Variants in DENND4C observed in about 807,000 individuals in gnomAD.
The protein encoded by DENND4C is DENN domain containing 4C, also known as DENN domain-containing protein 4C.
Under a neutral mutation model 203.0 loss-of-function variants are expected in DENND4C, and 108 were observed. The observed-to-expected ratio is 0.53, with a 90% CI of 0.46 to 0.62. The LOEUF is 0.62. DENND4C is among the 20% of genes least tolerant of loss of function. DENND4C has a pLI of 0.00. For missense variants in DENND4C, 2,481 were observed against 2,301.2 expected (o/e 1.08, Z -1.60); for synonymous variants, 871 against 792.4 (o/e 1.10, Z -1.67).
chr9:19,361,758 C>T, intron 29 of DENND4C, 88 bp from the exon 30 acceptor site: 3 of 655,774 alleles, frequency 4.6e-6, no homozygotes, highest in Non-Finnish European at 2.5e-6. Context: ...TTTAAAAGGA[C>T]TCATCTGTTT....
chr9:19,246,494 T>C (rs530711683), intron 1 of DENND4C, among the ~76,000 whole-genome samples: 147 of 152,322 alleles, frequency 9.7e-4, no homozygotes, highest in African/African-American at 3.5e-3. Context: ...TCCTCCCACC[T>C]TGGCTTCCCA....
At chr9:19,261,947 A>G (rs559555766) in intron 1 of DENND4C, among the ~76,000 whole-genome samples, 27 of 151,944 alleles carry the variant, frequency 1.8e-4, no homozygotes, top group Admixed American at 5.2e-4. Flanking sequence ...TTATTTGTAG[A>G]TACTGTAAAT....
At chr9:19,312,805 T>TA (rs1424178941) in intron 10 of DENND4C, among the ~76,000 whole-genome samples, 6 of 152,142 alleles carry the variant, frequency 3.9e-5, no homozygotes, top group African/African-American at 1.2e-4. Context: ...GTAGCCACTT[T>TA]AAAAAAAATC....
intron 16 of DENND4C, among the ~76,000 whole-genome samples, chr9:19,330,157 G>T (rs182398426): frequency 2.0e-5 from 3 of 151,568 alleles, no homozygotes; most frequent in Non-Finnish European, 4.4e-5. Context: ...TTTCTAAAAC[G>T]AGAAAATTTT....
intron 1 of DENND4C, among the ~76,000 whole-genome samples, chr9:19,252,431 T>A (rs1826860956): frequency 6.6e-6 from 1 of 151,778 alleles, no homozygotes; most frequent in South Asian, 2.1e-4. Context: ...AAAAAAAGAT[T>A]AACTGGGTGT....
chr9:19,324,155 T>TA (rs201596120), intron 12 of DENND4C, among the ~76,000 whole-genome samples: 11 of 147,684 alleles, frequency 7.4e-5, no homozygotes, highest in African/African-American at 4.9e-5. Flanking sequence ...TTCAAAATCT[T>TA]AAAAAAAAAA....
At position 19,372,215 on chromosome 9, in the gene DENND4C, T is replaced by G; in HGVS notation, c.*42T>G. The G allele has an allele frequency of 6.4e-7, 1 of 1,572,912 alleles. No homozygotes were observed. Among genetic ancestry groups the G allele is most frequent in the Non-Finnish European group, 8.6e-7 (1 of 1,161,186 alleles). ...ATGTTGACACACAAGGCTTGGGGAT[T>G]AGATTTCATCTGGAAACATTCAAGT... On this transcript the variant is annotated 3_prime_UTR_variant, in exon 33 of 33. Transcript: ENST00000434457.
At chr9:19,360,628 T>C in intron 29 of DENND4C, 139 bp downstream of exon 29, 10 of 1,152,112 alleles carry the variant, frequency 8.7e-6, no homozygotes, top group Admixed American at 2.6e-5. Context: ...TAAGCAGTCC[T>C]GGAATGGTAA....
rs528906050 is a variant in DENND4C at position 19,243,069 on chromosome 9, A to G, written c.-18+12236A>G. The stretch of plus-strand genomic sequence containing the variant: ...CCAGTAGATTTACAGTTTTGCAATC[A>G]TTAGCATAATCTAATTTTAAAGGAT... On this transcript the variant is annotated intron_variant, in intron 1 of 32. Transcript: ENST00000434457. 2.5e-4 allele frequency among the ~76,000 whole-genome samples: 38 copies of G among 152,344 alleles called. 1 individual carries two copies. In the South Asian group the frequency reaches 7.9e-3, roughly 32 times the overall value.
At chr9:19,336,207 G>A (rs979789435) in intron 18 of DENND4C, 63 bp from the exon 19 acceptor site, 20 of 1,466,622 alleles carry the variant, frequency 1.4e-5, no homozygotes, top group Middle Eastern at 1.8e-4. Context: ...ACACATATAT[G>A]TATGTATTTT....
intron 2 of DENND4C, among the ~76,000 whole-genome samples, chr9:19,280,092 A>AG (rs1833728606): frequency 6.6e-6 from 1 of 150,680 alleles, no homozygotes; most frequent in Non-Finnish European, 1.5e-5. Flanking sequence ...TTTTATTTGA[A>AG]GGGGCCGGCC....
At chr9:19,355,056 C>T (rs941986567) in intron 26 of DENND4C, among the ~76,000 whole-genome samples, 1 of 151,742 alleles carries the variant, frequency 6.6e-6, no homozygotes, top group African/African-American at 2.4e-5. Flanking sequence ...ACTACAGGCA[C>T]CCACCACCAC....
chr9:19,345,984 C>T lies in DENND4C; in HGVS notation c.3215C>T (p.Ala1072Val). ...GTTGAAGATGCAGTCTTTGGCGAAG[C>T]TACTAATCTCAAGAAGAATGGTGAT... ...DPVEDAVFGEATNLKKNGDRG... is the reference protein window; with the variant it reads ...DPVEDAVFGEVTNLKKNGDRG... The change falls in exon 23 of 33, where the codon GCT (alanine) becomes GTT (valine). Residue 1072 changes from alanine to valine, a missense_variant. By Grantham distance (64) the Ala-to-Val change is moderately conservative. Around this residue, in one of 3 missense-constraint regions of DENND4C, gnomAD observed 2,289 missense variants for 2,113.3 expected, o/e 1.08. Transcript: ENST00000434457. The T allele has an allele frequency of 6.2e-7, 1 of 1,614,032 alleles. No homozygotes were observed. The highest frequency in any genetic ancestry group is 8.5e-7 in the Non-Finnish European group (1 of 1,180,020).
intron 21 of DENND4C, among the ~76,000 whole-genome samples, chr9:19,341,695 G>A (rs1293744421): frequency 6.6e-6 from 1 of 152,120 alleles, no homozygotes; most frequent in African/African-American, 2.4e-5. Flanking sequence ...AAATTACATA[G>A]CTACTTTTGA....
intron 22 of DENND4C, among the ~76,000 whole-genome samples, chr9:19,345,239 G>C (rs1822593460): frequency 6.6e-6 from 1 of 152,176 alleles, no homozygotes; most frequent in African/African-American, 2.4e-5. Flanking sequence ...GCTGGGGGAA[G>C]CTGCTATGGC....
intron 1 of DENND4C, among the ~76,000 whole-genome samples, chr9:19,274,612 C>T (rs1832488441): frequency 6.6e-6 from 1 of 152,036 alleles, no homozygotes; most frequent in African/African-American, 2.4e-5. Context: ...GTTTCACTAT[C>T]TTGATTGTGG....
chr9:19,337,174 G>A (rs1820673585), intron 20 of DENND4C, among the ~76,000 whole-genome samples: 1 of 152,182 alleles, frequency 6.6e-6, no homozygotes, highest in South Asian at 2.1e-4. Flanking sequence ...AATAGAAAAT[G>A]TATCTTAAAA....
chr9:19,271,679 C>T (rs896242778), intron 1 of DENND4C, among the ~76,000 whole-genome samples: 1 of 151,568 alleles, frequency 6.6e-6, no homozygotes, highest in Admixed American at 6.6e-5. Flanking sequence ...CCAGCCTGAC[C>T]AACATGGAGA....
rs759288821 is a variant in DENND4C, at chr9:19,324,528, T to C, written c.1953+21T>C. 8.8e-6 allele frequency: 14 copies of C among 1,588,732 alleles called. No homozygotes were observed. The Admixed American group carries it at 1.8e-4, about 20-fold the overall frequency. ...AAAAGGTAAAAGTTTGTACTTATAC[T>C]AGTGTTTAGAAAAAAAAGTTTGCCT... On this transcript the variant is annotated intron_variant, in intron 13 of 32. Transcript: ENST00000434457.
Sources: allele counts gnomAD v4.1 joint callset (sites outside exome capture counted in the v4.1 genomes callset), GRCh38; gene constraint gnomAD v4.1.1; regional missense constraint gnomAD v4.1.1; transcripts MANE v1.5; gene names NCBI Gene and HGNC (gene_info 2026-07-23, HGNC 2026-07-21).